The following RNF214 variants were observed in gnomAD, a reference collection of about 807,000 sequenced individuals.
RNF214 encodes the protein ring finger protein 214.
Under a neutral mutation model 75.9 loss-of-function variants are expected in RNF214, and 25 were observed. That is an observed-to-expected ratio of 0.33 (90% CI 0.24 to 0.46). The LOEUF (loss-of-function observed/expected upper bound fraction) is 0.46, where lower values mean the gene tolerates loss of function less well. Among genes scored for constraint, RNF214 ranks in the 20% least tolerant of loss-of-function variants. The pLI, the probability that RNF214 is intolerant of heterozygous loss-of-function variation, is 1.00. For synonymous variants in RNF214, 314 were observed against 308.8 expected, an observed-to-expected ratio of 1.02 and a Z score of -0.18; for missense variants, 725 against 857.5, an observed-to-expected ratio of 0.85 and a Z score of 1.93.
At chr11:117,278,302 TCAAAA>T (rs1478530280) in intron 6 of RNF214, among the ~76,000 whole-genome samples, 1 of 152,188 alleles carries the variant, frequency 6.6e-6, no homozygotes, top group African/African-American at 2.4e-5. Flanking sequence ...AGACTCTGTC[TCAAAA>T]CAAAACAAAA....
At chr11:117,263,367 C>T (rs1309143562) in intron 6 of RNF214, among the ~76,000 whole-genome samples, 1 of 151,972 alleles carries the variant, frequency 6.6e-6, no homozygotes, top group Non-Finnish European at 1.5e-5. Context: ...CCTCCGCCTA[C>T]TGGGTGCAAG....
chr11:117,281,278 C>A (rs2034122493), intron 8 of RNF214, 36 bp from the exon 9 acceptor site: 2 of 1,499,934 alleles, frequency 1.3e-6, no homozygotes, highest in Non-Finnish European at 9.3e-7. Context: ...GCAGGGCTTT[C>A]TTTAAATCTG....
At chr11:117,243,129 T>G (rs1031329665) in intron 4 of RNF214, among the ~76,000 whole-genome samples, 6 of 120,748 alleles carry the variant, frequency 5.0e-5, no homozygotes, top group Non-Finnish European at 9.7e-5. Context: ...GAGAGCCTTT[T>G]TTATTAATTA....
intron 6 of RNF214, among the ~76,000 whole-genome samples, chr11:117,274,139 C>T (rs776453049): frequency 9.2e-5 from 14 of 151,814 alleles, no homozygotes; most frequent in Non-Finnish European, 1.6e-4. Context: ...TCTTCTTCCC[C>T]GATGAATTTC....
intron 6 of RNF214, among the ~76,000 whole-genome samples, chr11:117,252,824 AT>A (rs1312367566): frequency 3.3e-5 from 5 of 151,858 alleles, no homozygotes; most frequent in Non-Finnish European, 7.4e-5. Flanking sequence ...CTGGCCTGAA[AT>A]TTTTTTTAAT....
intron 2 of RNF214, among the ~76,000 whole-genome samples, chr11:117,236,518 C>T (rs1256626618): frequency 1.3e-5 from 2 of 152,022 alleles, no homozygotes; most frequent in African/African-American, 2.4e-5. Context: ...GTGATCCGCC[C>T]GCCTCAGCCT....
intron 5 of RNF214, 118 bp from the exon 6 acceptor site, chr11:117,246,691 A>G (rs576376354): frequency 6.2e-5 from 66 of 1,067,740 alleles, no homozygotes; most frequent in Middle Eastern, 3.2e-4. Flanking sequence ...TTTCAATTCA[A>G]TTTGAATTCA....
intron 4 of RNF214, among the ~76,000 whole-genome samples, chr11:117,240,382 A>AT (rs1462963433): frequency 2.8e-4 from 40 of 142,802 alleles, no homozygotes; most frequent in African/African-American, 3.3e-4. Context: ...CTCAAAAAAA[A>AT]TTAAAAAAAA....
rs1361348388 is a variant in RNF214, at chr11:117,251,361, C to T, written c.959+4413C>T. On this transcript the variant is annotated intron_variant, in intron 6 of 14. Coordinates refer to ENST00000300650, the MANE Select transcript of RNF214 (RefSeq NM_207343.4). ...GGCGCCCCTCACCTCCCGGACGGGG[C>T]GGCTGGCCGGGCGGGGGGCTGACCC... 2.2e-5 allele frequency among the ~76,000 whole-genome samples: 3 copies of T among 138,944 alleles called. No individual in the cohort carries two copies. In the East Asian group the frequency reaches 6.8e-4, roughly 31 times the overall value. The allele number at this position is 138,944 out of a possible 152,430, so 91.2% of individuals were successfully genotyped here.
chr11:117,235,495 CTT>C (rs764468370), intron 2 of RNF214, among the ~76,000 whole-genome samples: 67 of 120,620 alleles, frequency 5.6e-4, no homozygotes, highest in East Asian at 1.9e-3. Context: ...CACGCCCAGC[CTT>C]TTTTTTTTTT....
chr11:117,253,817 CAAG>C (rs952447085), intron 6 of RNF214, among the ~76,000 whole-genome samples: 6 of 152,058 alleles, frequency 3.9e-5, no homozygotes, highest in Non-Finnish European at 8.8e-5. Flanking sequence ...TAGCTTTGGA[CAAG>C]GAGCATAAAA....
chr11:117,253,699 A>AACG (rs752382091), intron 6 of RNF214, among the ~76,000 whole-genome samples: 128 of 151,166 alleles, frequency 8.5e-4, no homozygotes, highest in Non-Finnish European at 3.2e-4. Flanking sequence ...TAAATAAATA[A>AACG]ACGACAACAA....
At chr11:117,279,822 C>T in intron 6 of RNF214, 86 bp from the exon 7 acceptor site, 2 of 919,858 alleles carry the variant, frequency 2.2e-6, no homozygotes, top group South Asian at 1.7e-5. Context: ...CTTGGCTGAC[C>T]AATTTTGGGT....
At chr11:117,257,462 T>G (rs1480676155) in intron 6 of RNF214, among the ~76,000 whole-genome samples, 1 of 152,214 alleles carries the variant, frequency 6.6e-6, no homozygotes, top group African/African-American at 2.4e-5. Flanking sequence ...CCGTTGGAAT[T>G]CTTGTTCTCA....
chr11:117,234,452 C>T (rs2032844773), intron 2 of RNF214, 73 bp downstream of exon 2: 8 of 1,089,216 alleles, frequency 7.3e-6, no homozygotes, highest in Non-Finnish European at 9.9e-6. Flanking sequence ...TGTAGCTGGT[C>T]TTTCTTTTTG....
intron 4 of RNF214, 45 bp from the exon 5 acceptor site, chr11:117,244,400 G>A (rs748246165): frequency 2.6e-6 from 4 of 1,553,526 alleles, no homozygotes; most frequent in Non-Finnish European, 3.5e-6. Context: ...AATGTTTCTT[G>A]TGATTAAATT....
chr11:117,251,029 C>G (rs1291406357), intron 6 of RNF214, among the ~76,000 whole-genome samples: 2 of 147,078 alleles, frequency 1.4e-5, no homozygotes, highest in Non-Finnish European at 3.0e-5. Flanking sequence ...TACACAGACA[C>G]GGCAACCATC....
intron 6 of RNF214, among the ~76,000 whole-genome samples, chr11:117,269,938 A>G (rs1045050504): frequency 7.9e-5 from 12 of 152,204 alleles, no homozygotes; most frequent in Non-Finnish European, 1.8e-4. Flanking sequence ...ACCTCATCAT[A>G]AGTCAGGGAC....
chr11:117,243,132 A>G (rs1199025097), intron 4 of RNF214, among the ~76,000 whole-genome samples: 2 of 139,862 alleles, frequency 1.4e-5, no homozygotes, highest in Admixed American at 1.4e-4. Context: ...AGCCTTTTTT[A>G]TTAATTAATT....
Sources: gnomAD v4.1 joint callset for allele counts (sites outside exome capture counted in the v4.1 genomes callset) on GRCh38, gnomAD v4.1.1 for gene constraint, MANE v1.5 for transcripts, NCBI Gene and HGNC (gene_info 2026-07-23, HGNC 2026-07-21) for gene names.